The following ALK variants were observed in gnomAD, a reference collection of about 807,000 sequenced individuals.
ALK encodes the protein ALK tyrosine kinase receptor.
ALK carries 74 observed loss-of-function variants against 163.1 expected under a neutral mutation model. The observed-to-expected ratio is 0.45, with a 90% CI of 0.38 to 0.55. The LOEUF is 0.55. Ranked by LOEUF, ALK falls within the 20% of genes least tolerant of loss-of-function variation. ALK has a pLI of 0.00. For synonymous variants in ALK, 960 were observed against 843.2 expected (o/e 1.14, Z -2.40); for missense variants, 2,063 against 2,105.3 (o/e 0.98, Z 0.39).
At chr2:29,376,246 G>A (rs1668750441) in intron 5 of ALK, among the ~76,000 whole-genome samples, 1 of 152,150 alleles carries the variant, frequency 6.6e-6, no homozygotes, top group African/African-American at 2.4e-5. Flanking sequence ...CCCCTCTCAG[G>A]TTTATTTTCT....
chr2:29,719,438 C>A (rs540254870), intron 1 of ALK, among the ~76,000 whole-genome samples: 2 of 152,236 alleles, frequency 1.3e-5, no homozygotes, highest in Non-Finnish European at 2.9e-5. Flanking sequence ...AACTCTGTTT[C>A]GTAGATAGGC....
At chr2:29,593,053 C>A (rs926217016) in intron 3 of ALK, among the ~76,000 whole-genome samples, 12 of 152,204 alleles carry the variant, frequency 7.9e-5, no homozygotes, top group African/African-American at 2.9e-4. Flanking sequence ...AAGCAAATAC[C>A]ACCAATATCA....
At chr2:29,824,609 G>T (rs540669353) in intron 1 of ALK, among the ~76,000 whole-genome samples, 1 of 152,220 alleles carries the variant, frequency 6.6e-6, no homozygotes, top group African/African-American at 2.4e-5. Flanking sequence ...AGATTTGATT[G>T]CCTGGCTGGA....
intron 5 of ALK, among the ~76,000 whole-genome samples, chr2:29,373,758 C>G (rs186790798): frequency 2.0e-5 from 3 of 152,204 alleles, no homozygotes; most frequent in Admixed American, 1.3e-4. Context: ...CCTGCTTTGG[C>G]CTGACTGTTT....
intron 4 of ALK, among the ~76,000 whole-genome samples, chr2:29,469,992 T>C (rs953202822): frequency 6.6e-6 from 1 of 152,128 alleles, no homozygotes; most frequent in Non-Finnish European, 1.5e-5. Context: ...ATAATTATAA[T>C]ATGTTCAAGA....
intron 3 of ALK, among the ~76,000 whole-genome samples, chr2:29,591,341 G>A (rs968552825): frequency 6.6e-6 from 1 of 152,126 alleles, no homozygotes; most frequent in South Asian, 2.1e-4. Flanking sequence ...ATTTAAAGCT[G>A]CTCTTGAATT....
intron 1 of ALK, among the ~76,000 whole-genome samples, chr2:29,782,308 G>A (rs1307651832): frequency 1.3e-5 from 2 of 152,130 alleles, no homozygotes; most frequent in African/African-American, 4.8e-5. Flanking sequence ...AAGGAGGACT[G>A]TGCCCTCTGG....
chr2:29,398,813 G>A (rs896059789), intron 4 of ALK, among the ~76,000 whole-genome samples: 1 of 152,180 alleles, frequency 6.6e-6, no homozygotes, highest in Non-Finnish European at 1.5e-5. Flanking sequence ...TCTGTGGGTG[G>A]TTGCAAAGTT....
At chr2:29,533,627 A>T (rs1673176138) in intron 3 of ALK, among the ~76,000 whole-genome samples, 1 of 152,200 alleles carries the variant, frequency 6.6e-6, no homozygotes, top group African/African-American at 2.4e-5. Flanking sequence ...CACCAGACCA[A>T]ATCCATTTAT....
In ALK at chr2:29,914,566, A is replaced by C. The variant is rs572583551; in HGVS notation, c.667+5427T>G. Among the ~76,000 whole-genome samples the C allele has an allele frequency of 3.9e-5, 6 of 152,348 alleles. No homozygotes were observed. In the South Asian group the frequency reaches 1.2e-3, roughly 32 times the overall value. On this transcript the variant is annotated intron_variant, in intron 1 of 28. Transcript: ENST00000389048. ...TTTTGCATCAGGCATTGGGTTAAGG[A>C]TTTGCACACATCATCTAATTTAATC...
intron 4 of ALK, among the ~76,000 whole-genome samples, chr2:29,461,460 A>C (rs1456860209): frequency 6.6e-6 from 1 of 152,228 alleles, no homozygotes; most frequent in African/African-American, 2.4e-5. Flanking sequence ...GGGCAAATGC[A>C]GCTGGTGACT....
chr2:29,317,568 T>C (rs1666866153), intron 8 of ALK, among the ~76,000 whole-genome samples: 1 of 152,238 alleles, frequency 6.6e-6, no homozygotes, highest in Non-Finnish European at 1.5e-5. Flanking sequence ...ATTATCTATT[T>C]AATCCTCACT....
intron 4 of ALK, among the ~76,000 whole-genome samples, chr2:29,472,165 A>G (rs1671361865): frequency 6.6e-6 from 1 of 152,198 alleles, no homozygotes; most frequent in Non-Finnish European, 1.5e-5. Context: ...GAGAGACTAT[A>G]TGAGAGGCCC....
In ALK at chr2:29,638,880, C is replaced by T. The variant is rs116459470; in HGVS notation, c.952+55970G>A. Among the ~76,000 whole-genome samples, 159 of 152,278 alleles carry T rather than the reference C, an allele frequency of 1.0e-3. 1 individual carries two copies. Among genetic ancestry groups the T allele is most frequent in the African/African-American group, 3.5e-3 (145 of 41,568 alleles). On this transcript the variant is annotated intron_variant, in intron 3 of 28. Coordinates refer to ENST00000389048, the MANE Select transcript of ALK (RefSeq NM_004304.5). ...CATATACAAAATGCAGAGAATGAGG[C>T]TCCTTCACAAATCAGCCTGTGTGAG...
intron 2 of ALK, among the ~76,000 whole-genome samples, chr2:29,695,582 C>T (rs1358044653): frequency 6.6e-6 from 1 of 152,148 alleles, no homozygotes; most frequent in African/African-American, 2.4e-5. Flanking sequence ...AGGCAACCTA[C>T]AGAATGGGAG....
chr2:29,592,252 C>G (rs1050524985), intron 3 of ALK, among the ~76,000 whole-genome samples: 1 of 152,084 alleles, frequency 6.6e-6, no homozygotes, highest in Non-Finnish European at 1.5e-5. Context: ...ACCACCAGGC[C>G]CACCCTAGCC....
chr2:29,700,313 G>A (rs189982455), intron 2 of ALK, among the ~76,000 whole-genome samples: 6 of 152,224 alleles, frequency 3.9e-5, no homozygotes, highest in Admixed American at 1.3e-4. Context: ...TGGGAGGCCC[G>A]GTGGGTGGAT....
At chr2:29,727,590 G>C (rs1679609592) in intron 1 of ALK, among the ~76,000 whole-genome samples, 1 of 152,208 alleles carries the variant, frequency 6.6e-6, no homozygotes, top group Non-Finnish European at 1.5e-5. Context: ...TAATGAGACA[G>C]TATCTACAAA....
At chr2:29,301,589 A>G (rs1666372129) in intron 8 of ALK, among the ~76,000 whole-genome samples, 1 of 152,248 alleles carries the variant, frequency 6.6e-6, no homozygotes, top group South Asian at 2.1e-4. Context: ...GTCAGGGACC[A>G]GGGAAGGGGA....
Sources: gnomAD v4.1 joint callset for allele counts (sites outside exome capture counted in the v4.1 genomes callset) on GRCh38, gnomAD v4.1.1 for gene constraint, MANE v1.5 for transcripts, NCBI Gene and HGNC (gene_info 2026-07-23, HGNC 2026-07-21) for gene names.